Variants in CCDC141 observed in about 807,000 individuals in gnomAD.
The protein encoded by CCDC141 is coiled-coil domain containing 141, also known as coiled-coil domain-containing protein 141.
CCDC141 carries 168 observed loss-of-function variants against 181.0 expected under a neutral mutation model. That is an observed-to-expected ratio of 0.93 (90% CI 0.82 to 1.05). The LOEUF (loss-of-function observed/expected upper bound fraction) is 1.05, where lower values mean the gene tolerates loss of function less well. CCDC141 is among the 50% of genes least tolerant of loss of function. The probability of loss-of-function intolerance (pLI) is 0.00; values close to 1 mark genes in which losing one functional copy is unlikely to be tolerated. For synonymous variants in CCDC141, 666 were observed against 642.3 expected (o/e 1.04, Z -0.56); for missense variants, 1,902 against 1,788.5 (o/e 1.06, Z -1.14).
intron 6 of CCDC141, among the ~76,000 whole-genome samples, chr2:178,940,204 A>G (rs905209932): frequency 8.0e-5 from 12 of 150,860 alleles, no homozygotes; most frequent in African/African-American, 2.7e-4. Context: ...GCTCTATAAG[A>G]TCAGAGATTA....
intron 2 of CCDC141, among the ~76,000 whole-genome samples, chr2:179,015,578 C>CATATATATGAT (rs1243627580): frequency 3.7e-5 from 4 of 106,960 alleles, no homozygotes; most frequent in Admixed American, 1.1e-4. Flanking sequence ...TCATATATCT[C>CATATATATGAT]ATATATATCT....
At chr2:178,905,648 G>A in intron 7 of CCDC141, 147 bp from the exon 8 acceptor site, 1 of 807,928 alleles carries the variant, frequency 1.2e-6, no homozygotes, top group Admixed American at 3.1e-5. Context: ...TTGGAAGATT[G>A]TTGGAAAACA....
intron 2 of CCDC141, among the ~76,000 whole-genome samples, chr2:179,015,373 A>G (rs1311118623): frequency 8.0e-6 from 1 of 125,036 alleles, no homozygotes; most frequent in Non-Finnish European, 1.6e-5. Context: ...TATATGTATC[A>G]TATATATCTC....
chr2:178,908,347 A>C (rs966103160), intron 7 of CCDC141, among the ~76,000 whole-genome samples: 1 of 152,052 alleles, frequency 6.6e-6, no homozygotes, highest in Admixed American at 6.6e-5. Context: ...GGCACACACC[A>C]CCACACCCAG....
At chr2:179,017,992 G>C (rs142899992) in intron 2 of CCDC141, among the ~76,000 whole-genome samples, 6 of 152,170 alleles carry the variant, frequency 3.9e-5, no homozygotes, top group African/African-American at 1.4e-4. Flanking sequence ...AAGATGTTCT[G>C]GCCAACATCA....
At chr2:178,960,225 G>A (rs557795229) in intron 5 of CCDC141, among the ~76,000 whole-genome samples, 24 of 152,312 alleles carry the variant, frequency 1.6e-4, no homozygotes, top group Non-Finnish European at 3.2e-4. Context: ...GCACTGTCTT[G>A]TGGTCTAGCA....
At chr2:179,008,468 C>T (rs2042173842) in intron 2 of CCDC141, among the ~76,000 whole-genome samples, 1 of 152,178 alleles carries the variant, frequency 6.6e-6, no homozygotes, top group Admixed American at 6.5e-5. Context: ...CCTTCCTATT[C>T]TCCCTCTACA....
rs756071545 is a variant in CCDC141, at chr2:178,855,432, T to G, written c.2975A>C (p.Lys992Thr). 1 of 1,612,132 alleles carries G rather than the reference T, an allele frequency of 6.2e-7. No homozygotes were observed. Reference sequence around the variant, plus strand: ...AACTTTGTCAAAGTCATCCACATGTTTTTGCAAATCCTTCATGACTTCCAA... The same window carrying G: ...AACTTTGTCAAAGTCATCCACATGTGTTTGCAAATCCTTCATGACTTCCAA... ...VLLEVMKDLQKHVDDFDKVVT... is the reference protein window; with the variant it reads ...VLLEVMKDLQTHVDDFDKVVT... Residue 992 changes from lysine to threonine, a missense_variant, in exon 19 of 24, where the codon AAA becomes ACA. Transcript: ENST00000443758.
chr2:178,937,246 T>A (rs2089098), intron 6 of CCDC141, among the ~76,000 whole-genome samples: 1 of 152,180 alleles, frequency 6.6e-6, no homozygotes, highest in African/African-American at 2.4e-5. Flanking sequence ...ATGGCTCTTA[T>A]TATTTGGAGG....
chr2:178,884,567 A>G (rs1347412962), intron 11 of CCDC141, among the ~76,000 whole-genome samples: 1 of 152,158 alleles, frequency 6.6e-6, no homozygotes, highest in Non-Finnish European at 1.5e-5. Context: ...CTCACTGCCT[A>G]TCCTCCCTCC....
chr2:178,952,009 C>A (rs1689969985), intron 5 of CCDC141, among the ~76,000 whole-genome samples: 1 of 152,172 alleles, frequency 6.6e-6, no homozygotes, highest in East Asian at 1.9e-4. Flanking sequence ...AAAATGTAAT[C>A]AACTATAATA....
intron 6 of CCDC141, among the ~76,000 whole-genome samples, chr2:178,932,411 C>T (rs1431556850): frequency 2.6e-5 from 4 of 152,122 alleles, no homozygotes; most frequent in Non-Finnish European, 5.9e-5. Context: ...CTGGGAGTGT[C>T]CCATTCACTC....
intron 2 of CCDC141, among the ~76,000 whole-genome samples, chr2:179,045,489 T>C (rs2043466083): frequency 6.6e-6 from 1 of 152,156 alleles, no homozygotes; most frequent in Admixed American, 6.5e-5. Flanking sequence ...GCATATGTTT[T>C]ATAGCAGCAT....
At chr2:178,834,715 C>T (rs1256603453) in intron 23 of CCDC141, among the ~76,000 whole-genome samples, 1 of 151,654 alleles carries the variant, frequency 6.6e-6, no homozygotes, top group Non-Finnish European at 1.5e-5. Flanking sequence ...GGACTACAGG[C>T]GCTTACCACC....
intron 2 of CCDC141, among the ~76,000 whole-genome samples, chr2:179,030,258 CA>C (rs953950842): frequency 6.3e-4 from 95 of 151,882 alleles, no homozygotes; most frequent in African/African-American, 2.1e-3. Flanking sequence ...TAACAGAAAG[CA>C]AATTCTTGCT....
At chr2:179,033,729 T>G (rs1052081259) in intron 2 of CCDC141, among the ~76,000 whole-genome samples, 2 of 152,168 alleles carry the variant, frequency 1.3e-5, no homozygotes, top group African/African-American at 4.8e-5. Flanking sequence ...TGAAAAAATT[T>G]TGTTTGTAGG....
chr2:179,032,512 G>A (rs1003081833), intron 2 of CCDC141, among the ~76,000 whole-genome samples: 1 of 152,070 alleles, frequency 6.6e-6, no homozygotes, highest in Admixed American at 6.6e-5. Flanking sequence ...AACTTTTTCT[G>A]TCCACATCTG....
At chr2:178,949,697 G>A (rs1005984300) in intron 5 of CCDC141, among the ~76,000 whole-genome samples, 1 of 152,208 alleles carries the variant, frequency 6.6e-6, no homozygotes, top group African/African-American at 2.4e-5. Context: ...GAATGGATGT[G>A]TGGGTCAGGC....
intron 15 of CCDC141, 146 bp downstream of exon 15, chr2:178,868,971 C>T (rs535453195): frequency 1.6e-5 from 8 of 495,738 alleles, no homozygotes; most frequent in Non-Finnish European, 2.7e-5. Context: ...AGAATAGGAA[C>T]ATAGTGAGAG....
Sources: gnomAD v4.1 joint callset for allele counts (sites outside exome capture counted in the v4.1 genomes callset) on GRCh38, gnomAD v4.1.1 for gene constraint, MANE v1.5 for transcripts, NCBI Gene and HGNC (gene_info 2026-07-23, HGNC 2026-07-21) for gene names.